Variants in AGBL4 observed in about 807,000 individuals in gnomAD.
The protein encoded by AGBL4 is AGBL carboxypeptidase 4, also known as cytosolic carboxypeptidase 6.
AGBL4 carries 58 observed loss-of-function variants against 66.4 expected under a neutral mutation model. The observed-to-expected ratio is 0.87, with a 90% CI of 0.71 to 1.09. The LOEUF (loss-of-function observed/expected upper bound fraction) is 1.09, where lower values mean the gene tolerates loss of function less well. AGBL4 is among the 50% of genes least tolerant of loss of function. The pLI, the probability that AGBL4 is intolerant of heterozygous loss-of-function variation, is 0.00. For synonymous variants in AGBL4, 234 were observed against 222.9 expected (o/e 1.05, Z -0.44); for missense variants, 579 against 631.0 (o/e 0.92, Z 0.88).
At chr1:49,181,588 A>G (rs1395607980) in intron 4 of AGBL4, among the ~76,000 whole-genome samples, 1 of 152,214 alleles carries the variant, frequency 6.6e-6, no homozygotes, top group Non-Finnish European at 1.5e-5. Flanking sequence ...CCTAGGTTAA[A>G]TGAGATAATG....
chr1:49,075,378 A>T (rs557214536), intron 4 of AGBL4, among the ~76,000 whole-genome samples: 1 of 152,172 alleles, frequency 6.6e-6, no homozygotes, highest in Non-Finnish European at 1.5e-5. Flanking sequence ...CAAGGAACTG[A>T]TTTATCTTAT....
intron 11 of AGBL4, among the ~76,000 whole-genome samples, chr1:48,582,157 C>A (rs138653818): frequency 1.2e-3 from 186 of 152,282 alleles, no homozygotes; most frequent in African/African-American, 2.6e-3. Context: ...ATTGGTTGGG[C>A]CTGACTAGCT....
At chr1:48,841,406 C>G (rs917359220) in intron 6 of AGBL4, among the ~76,000 whole-genome samples, 8 of 134,488 alleles carry the variant, frequency 5.9e-5, no homozygotes, top group Non-Finnish European at 7.8e-5. Flanking sequence ...CAAAACCCCC[C>G]CCCCCCAAAA....
At chr1:50,011,398 A>T (rs1661520702) in intron 1 of AGBL4, among the ~76,000 whole-genome samples, 1 of 152,190 alleles carries the variant, frequency 6.6e-6, no homozygotes, top group African/African-American at 2.4e-5. Context: ...TCTGGAGAGG[A>T]TATAGAGAAA....
intron 6 of AGBL4, among the ~76,000 whole-genome samples, chr1:48,734,016 CAT>C (rs938130020): frequency 2.0e-5 from 3 of 152,198 alleles, no homozygotes; most frequent in African/African-American, 4.8e-5. Flanking sequence ...TTCCAACAAA[CAT>C]AGCAGAATTA....
Position 49,095,146 on chromosome 1 carries a change from T to C in AGBL4, c.378-49346A>G, listed in dbSNP as rs1246360343. ...TTACAAGGGATGTGAAGGACCTCTT[T>C]AAGGAGAACTACAAACCACTGCTCA... On this transcript the variant is annotated intron_variant, in intron 4 of 13. Transcript: ENST00000371839. 6.6e-5 allele frequency among the ~76,000 whole-genome samples: 10 copies of C among 152,106 alleles called. No homozygotes were observed. The South Asian group carries it at 8.3e-4, about 13-fold the overall frequency.
chr1:50,018,209 T>C (rs1014178609), intron 1 of AGBL4, among the ~76,000 whole-genome samples: 3 of 152,166 alleles, frequency 2.0e-5, no homozygotes, highest in Admixed American at 2.0e-4. Context: ...GAAAGTACAC[T>C]TTTTTCCAAG....
chr1:49,558,125 A>T (rs1041874263), intron 3 of AGBL4, among the ~76,000 whole-genome samples: 2 of 151,942 alleles, frequency 1.3e-5, no homozygotes, highest in Non-Finnish European at 2.9e-5. Context: ...ATCAGCAGTG[A>T]TACTCACATA....
At chr1:49,557,163 A>G (rs1444710283) in intron 3 of AGBL4, among the ~76,000 whole-genome samples, 1 of 152,108 alleles carries the variant, frequency 6.6e-6, no homozygotes, top group African/African-American at 2.4e-5. Context: ...CCCACAGTGC[A>G]GAGGCGGGCT....
intron 11 of AGBL4, chr1:48,585,764 TC>T (rs1644808451): frequency 6.6e-6 from 1 of 152,220 alleles, no homozygotes; most frequent in Non-Finnish European, 1.5e-5. Context: ...TTGCCCTACT[TC>T]CGATGTTCCT....
chr1:49,656,210 A>G (rs1447243661), intron 3 of AGBL4, among the ~76,000 whole-genome samples: 4 of 152,198 alleles, frequency 2.6e-5, no homozygotes, highest in Non-Finnish European at 5.9e-5. Context: ...AACTACCATC[A>G]GAGAATACCA....
intron 2 of AGBL4, among the ~76,000 whole-genome samples, chr1:49,770,421 T>G (rs1035205930): frequency 1.3e-5 from 2 of 152,218 alleles, no homozygotes; most frequent in Admixed American, 1.3e-4. Context: ...GAATTCAGTT[T>G]GCCGGTGTCT....
At chr1:49,894,385 T>C (rs1230816193) in intron 1 of AGBL4, among the ~76,000 whole-genome samples, 2 of 152,060 alleles carry the variant, frequency 1.3e-5, no homozygotes, top group African/African-American at 4.8e-5. Context: ...AATAAGGCAC[T>C]AGGGATCAAT....
chr1:49,201,038 G>A (rs1015839267), intron 4 of AGBL4, among the ~76,000 whole-genome samples: 1 of 152,078 alleles, frequency 6.6e-6, no homozygotes, highest in Non-Finnish European at 1.5e-5. Context: ...ATAGTCCAAC[G>A]GTTTTAGGAG....
intron 6 of AGBL4, chr1:48,727,920 T>C (rs1191210092): frequency 6.2e-7 from 1 of 1,608,006 alleles, no homozygotes; most frequent in Non-Finnish European, 8.5e-7. Context: ...CCTTCGTTCT[T>C]CATTTTTACA....
intron 5 of AGBL4, among the ~76,000 whole-genome samples, chr1:48,925,261 C>A (rs915924622): frequency 6.6e-6 from 1 of 151,976 alleles, no homozygotes; most frequent in African/African-American, 2.4e-5. Flanking sequence ...CATGGACACT[C>A]AAGTCCTTTA....
At chr1:48,775,125 CT>C (rs1003085819) in intron 6 of AGBL4, among the ~76,000 whole-genome samples, 2 of 152,136 alleles carry the variant, frequency 1.3e-5, no homozygotes, top group African/African-American at 4.8e-5. Context: ...GAATGGTTCC[CT>C]TTTCTAAAAT....
At chr1:49,411,189 T>C (rs1043585788) in intron 3 of AGBL4, among the ~76,000 whole-genome samples, 1 of 152,094 alleles carries the variant, frequency 6.6e-6, no homozygotes, top group Non-Finnish European at 1.5e-5. Flanking sequence ...AAATCACTGG[T>C]GTAAATCCAA....
chr1:49,421,853 C>T (rs935677226), intron 3 of AGBL4, among the ~76,000 whole-genome samples: 5 of 152,032 alleles, frequency 3.3e-5, no homozygotes, highest in African/African-American at 1.2e-4. Context: ...ATTTTAACTT[C>T]CTTCCCTCCT....
Sources: allele counts gnomAD v4.1 joint callset (sites outside exome capture counted in the v4.1 genomes callset), GRCh38; gene constraint gnomAD v4.1.1; transcripts MANE v1.5; gene names NCBI Gene and HGNC (gene_info 2026-07-23, HGNC 2026-07-21).